Variants in PDK3 observed in about 807,000 individuals in gnomAD.
The protein encoded by PDK3 is pyruvate dehydrogenase kinase 3.
In PDK3, 12 loss-of-function variants were observed where a neutral mutation model predicts 32.0. The ratio of observed to expected loss-of-function variants is 0.37; its 90% CI spans 0.24 to 0.61. The LOEUF is 0.61. Ranked by LOEUF, PDK3 falls within the 20% of genes least tolerant of loss-of-function variation. PDK3 has a pLI of 0.65. For missense variants in PDK3, 188 were observed against 316.9 expected (o/e 0.59, Z 3.09); for synonymous variants, 122 against 116.3 (o/e 1.05, Z -0.31).
intron 1 of PDK3, among the ~76,000 whole-genome samples, chrX:24,489,792 A>G (rs1320192018): frequency 3.6e-5 from 4 of 111,724 alleles, no homozygotes; most frequent in Admixed American, 9.5e-5. Flanking sequence ...AGAAGCTACC[A>G]TAGGCGAGGC....
chrX:24,495,954 G>C (rs898945262), intron 2 of PDK3, among the ~76,000 whole-genome samples: 9 of 111,935 alleles, frequency 8.0e-5, no homozygotes, highest in Non-Finnish European at 1.7e-4. Flanking sequence ...TGGGAGCTCT[G>C]TCCAGGAAGC....
chrX:24,502,768 C>T (rs1167760915), intron 3 of PDK3, among the ~76,000 whole-genome samples: 3 of 110,401 alleles, frequency 2.7e-5, no homozygotes, highest in African/African-American at 6.6e-5. Flanking sequence ...TGCTTGAACC[C>T]GCGAGGTGGA....
At chrX:24,496,589 T>TTTTTTTTTTTTTTTTTTTTTTTC (rs1921712778) in intron 2 of PDK3, among the ~76,000 whole-genome samples, 1 of 91,675 alleles carries the variant, frequency 1.1e-5, no homozygotes, top group African/African-American at 4.1e-5. Flanking sequence ...TTTTTTTTTT[T>TTTTTTTTTTTTTTTTTTTTTTTC]TTGCAGTTTC....
intron 1 of PDK3, among the ~76,000 whole-genome samples, chrX:24,473,657 G>T (rs907467763): frequency 1.8e-5 from 2 of 109,531 alleles, no homozygotes; most frequent in African/African-American, 6.6e-5. Context: ...GGCTGGTCTC[G>T]AACTCCTGAC....
intron 5 of PDK3, among the ~76,000 whole-genome samples, chrX:24,512,200 C>T (rs1260243980): frequency 3.6e-5 from 4 of 111,756 alleles, no homozygotes; most frequent in Admixed American, 1.9e-4. Context: ...TGACCCTTTT[C>T]CCTCCTTTCT....
chrX:24,535,001 C>T (rs1419925981), downstream of PDK3, among the ~76,000 whole-genome samples: 1 of 111,354 alleles, frequency 9.0e-6, no homozygotes, highest in Non-Finnish European at 1.9e-5. Flanking sequence ...TATAGCTTAT[C>T]ACAATAAAAA....
At chrX:24,513,792 A>G (rs1243970925) in intron 5 of PDK3, 1 of 111,916 alleles carries the variant, frequency 8.9e-6, no homozygotes, top group Non-Finnish European at 1.9e-5. Context: ...TTATCTGTAT[A>G]TATTATTACC....
intron 1 of PDK3, among the ~76,000 whole-genome samples, chrX:24,489,101 G>A (rs1921481259): frequency 9.0e-6 from 1 of 111,614 alleles, no homozygotes; most frequent in South Asian, 3.7e-4. Context: ...TTCTTGGTAA[G>A]TTTATTATTT....
intron 1 of PDK3, among the ~76,000 whole-genome samples, chrX:24,466,561 A>G (rs992620099): frequency 8.9e-6 from 1 of 111,781 alleles, no homozygotes; most frequent in Admixed American, 9.5e-5. Flanking sequence ...TCAGTTGGGC[A>G]TAAAAACTAA....
chrX:24,465,938 G>C (rs1250328232), intron 1 of PDK3, among the ~76,000 whole-genome samples: 1 of 110,677 alleles, frequency 9.0e-6, no homozygotes, highest in Non-Finnish European at 1.9e-5. Flanking sequence ...TTTTTGGTTG[G>C]GTAAGAACTG....
downstream of PDK3, among the ~76,000 whole-genome samples, chrX:24,534,831 T>C (rs1460371762): frequency 9.0e-6 from 1 of 111,684 alleles, no homozygotes; most frequent in Non-Finnish European, 1.9e-5. Flanking sequence ...GTGGTGTGGG[T>C]CTGTAGTCCT....
At chrX:24,502,809 A>T (rs898309206) in intron 3 of PDK3, among the ~76,000 whole-genome samples, 1 of 111,532 alleles carries the variant, frequency 9.0e-6, no homozygotes. Context: ...ACACCACTGC[A>T]CTCCAGCCTG....
At chrX:24,470,846 T>C (rs12013712) in intron 1 of PDK3, among the ~76,000 whole-genome samples, 41,487 of 108,861 alleles carry the variant, frequency 0.38, 6,029 homozygotes, top group African/African-American at 0.52. Flanking sequence ...AGTAGGTTAG[T>C]TGATGATTTA....
intron 5 of PDK3, among the ~76,000 whole-genome samples, chrX:24,517,349 A>G (rs1922280462): frequency 9.1e-6 from 1 of 110,081 alleles, no homozygotes; most frequent in Non-Finnish European, 1.9e-5. Context: ...CAGCCTCCCA[A>G]CTAGCTGGGA....
At chrX:24,548,240 A>G (rs746116667) in exon 12 of PDK3, 1 of 112,286 alleles carries the variant, frequency 8.9e-6, no homozygotes, top group African/African-American at 3.2e-5. Context: ...AATGACATCC[A>G]AATTTCCTTT....
At chrX:24,491,647 G>A (rs1416689845) in intron 1 of PDK3, among the ~76,000 whole-genome samples, 2 of 110,897 alleles carry the variant, frequency 1.8e-5, no homozygotes, top group East Asian at 2.9e-4. Flanking sequence ...ACCCAAAGTC[G>A]AGGCCTAGTC....
At chrX:24,512,295 G>A (rs372028649) in intron 5 of PDK3, among the ~76,000 whole-genome samples, 17 of 112,023 alleles carry the variant, frequency 1.5e-4, no homozygotes, top group East Asian at 1.1e-3. Flanking sequence ...TGTAAAAATC[G>A]ATTCTCACAG....
Position 24,498,808 on chromosome X carries a change from CTTTT to C in PDK3, c.249-12_249-9del, listed in dbSNP as rs374771377. ...AACTAACATAGTAACTCTTCTTTTT[CTTTT>C]TTTTTTTTCCTTTTAGGTATATGCA... On this transcript the variant is annotated splice_polypyrimidine_tract_variant and intron_variant, in intron 2 of 10. Coordinates refer to ENST00000379162, the MANE Select transcript of PDK3 (RefSeq NM_005391.5). 2 of 796,399 alleles carry C rather than the reference CTTTT, an allele frequency of 2.5e-6. No individual in the cohort carries two copies. The highest frequency in any genetic ancestry group is 3.5e-6 in the Non-Finnish European group (2 of 577,690). The allele number at this position is 796,399 out of a possible 1,213,427, so 65.6% of individuals were successfully genotyped here.
At chrX:24,522,294 C>A (rs942217508) in intron 6 of PDK3, among the ~76,000 whole-genome samples, 20 of 111,053 alleles carry the variant, frequency 1.8e-4, no homozygotes, top group African/African-American at 5.9e-4. Context: ...TACTTAACAG[C>A]CAGCCTCGAG....
Sources: allele counts gnomAD v4.1 joint callset (sites outside exome capture counted in the v4.1 genomes callset), GRCh38; gene constraint gnomAD v4.1.1; transcripts MANE v1.5; gene names NCBI Gene and HGNC (gene_info 2026-07-23, HGNC 2026-07-21).